WDR44: variants seen among roughly 807,000 people sequenced by gnomAD.
WDR44 encodes WD repeat-containing protein 44.
A neutral mutation model predicts 65.7 loss-of-function variants in WDR44; 9 were observed. The observed-to-expected ratio is 0.14, with a 90% confidence interval of 0.08 to 0.24. WDR44 has a LOEUF of 0.24. Among genes scored for constraint, WDR44 ranks in the 10% least tolerant of loss-of-function variants. The pLI, the probability that WDR44 is intolerant of heterozygous loss-of-function variation, is 1.00. For missense variants in WDR44, 425 were observed against 670.9 expected (o/e 0.63, Z 4.05); for synonymous variants, 220 against 235.2 (o/e 0.94, Z 0.59).
rs189546090 is a variant in WDR44, at chrX:118,414,472, G to A, written c.1737+3513G>A. Among the ~76,000 whole-genome samples, 448 of 110,722 alleles carry A rather than the reference G, an allele frequency of 4.0e-3. 1 individual carries two copies. Among genetic ancestry groups the A allele is most frequent in the South Asian group, 0.013 (34 of 2,604 alleles). On this transcript the variant is annotated intron_variant, in intron 12 of 19. Transcript: ENST00000254029. Reference sequence around the variant, plus strand: ...AAAATGTGGCAGATTGCTTTTTGAAGTATGGCCATTTTCACAATATTGATT... The same window carrying A: ...AAAATGTGGCAGATTGCTTTTTGAAATATGGCCATTTTCACAATATTGATT...
intron 1 of WDR44, among the ~76,000 whole-genome samples, chrX:118,369,557 C>T (rs1371930996): frequency 3.9e-5 from 4 of 102,689 alleles, no homozygotes; most frequent in African/African-American, 1.1e-4. Flanking sequence ...GCAAGCTCCG[C>T]CTCCCAGGTT....
chrX:118,407,376 C>T (rs902319052), intron 10 of WDR44, among the ~76,000 whole-genome samples: 3 of 110,435 alleles, frequency 2.7e-5, no homozygotes, highest in African/African-American at 9.9e-5. Flanking sequence ...TGGCGGGTGC[C>T]TGTAATCCCA....
chrX:118,402,053 C>T (rs769303877), intron 8 of WDR44, among the ~76,000 whole-genome samples: 1 of 108,777 alleles, frequency 9.2e-6, no homozygotes, highest in Admixed American at 1.0e-4. Flanking sequence ...ATATCATAGA[C>T]ATCTCTTTAT....
At chrX:118,424,180 G>A (rs891766935) in intron 12 of WDR44, among the ~76,000 whole-genome samples, 4 of 105,642 alleles carry the variant, frequency 3.8e-5, no homozygotes, top group Non-Finnish European at 1.9e-5. Context: ...TTTCATACTG[G>A]TTTTCATAGT....
chrX:118,426,997 G>T (rs1301804842), intron 12 of WDR44, among the ~76,000 whole-genome samples: 2 of 111,692 alleles, frequency 1.8e-5, no homozygotes, highest in South Asian at 7.4e-4. Flanking sequence ...TGTTTTCAAA[G>T]ACTATTTAAT....
rs1160850643 is a variant in WDR44 at position 118,407,663 on chromosome X, T to C, written c.1533+637T>C. Among the ~76,000 whole-genome samples, 4 of 112,461 alleles carry C rather than the reference T, an allele frequency of 3.6e-5. No homozygotes were observed. In the East Asian group the frequency reaches 1.1e-3, roughly 31 times the overall value. The stretch of plus-strand genomic sequence containing the variant: ...TGCTCCCAACCATATTTTAAATAAT[T>C]TACAAAATATATCAGAAGCTCAATA... On this transcript the variant is annotated intron_variant, in intron 10 of 19. Coordinates refer to ENST00000254029, the MANE Select transcript of WDR44 (RefSeq NM_019045.5).
intron 1 of WDR44, among the ~76,000 whole-genome samples, chrX:118,348,086 T>G (rs2056369434): frequency 8.9e-6 from 1 of 111,784 alleles, no homozygotes; most frequent in African/African-American, 3.3e-5. Context: ...CATCAGTTTA[T>G]GAGCTGATCA....
intron 3 of WDR44, among the ~76,000 whole-genome samples, chrX:118,387,625 C>T (rs776118547): frequency 8.9e-6 from 1 of 111,918 alleles, no homozygotes; most frequent in East Asian, 2.8e-4. Context: ...ATCCTTGAGA[C>T]AATATTTTGT....
At chrX:118,405,048 T>G (rs961556742) in intron 9 of WDR44, among the ~76,000 whole-genome samples, 1 of 110,871 alleles carries the variant, frequency 9.0e-6, no homozygotes, top group Admixed American at 9.6e-5. Context: ...TCTTTTTTCT[T>G]TTTTTTTGAG....
At chrX:118,409,319 G>A (rs1276464018) in intron 10 of WDR44, among the ~76,000 whole-genome samples, 170 bp from the exon 11 acceptor site, 1 of 109,936 alleles carries the variant, frequency 9.1e-6, no homozygotes, top group Non-Finnish European at 1.9e-5. Context: ...TAGCAGAGAT[G>A]GGGTTTTACC....
rs1388202580 is a variant in WDR44, at chrX:118,369,414, G to A, written c.78-9005G>A. On this transcript the variant is annotated intron_variant, in intron 1 of 19. Transcript: ENST00000254029. ...TCTCGATCTCCTGACCTCGTGATCC[G>A]CCCGCCTCGGCCTCCCAAAGTGCTG... is the stretch of plus-strand genomic sequence containing the variant. Among the ~76,000 whole-genome samples, 10 of 104,598 alleles carry A rather than the reference G, an allele frequency of 9.6e-5. No homozygotes were observed. The East Asian group carries it at 1.2e-3, about 13-fold the overall frequency. 90.8% of individuals were successfully genotyped at this position (104,598 alleles called of 115,157 possible). A position where few individuals can be genotyped will look rare whatever the true frequency, so the allele number is the denominator to read the frequency against.
Position 118,392,772 on chromosome X carries a change from A to G in WDR44, c.327A>G (p.Gly109=). The change falls in exon 4 of 20, where the codon GGA becomes GGG. Residue 109 remains glycine, a synonymous_variant. Coordinates refer to ENST00000254029, the MANE Select transcript of WDR44 (RefSeq NM_019045.5). ...VARTDLSNIP[G]LLAIDQVLPE... ...GAACAGATCTGAGCAATATACCCGG[A>G]CTGTTAGCCATAGATCAAGTACTAC... is the stretch of plus-strand genomic sequence containing the variant. 8.3e-7 allele frequency: 1 copy of G among 1,211,846 alleles called. No individual in the cohort carries two copies. Among genetic ancestry groups the G allele is most frequent in the Non-Finnish European group, 1.1e-6 (1 of 895,564 alleles).
intron 1 of WDR44, 24 bp from the exon 2 acceptor site, chrX:118,378,395 C>T: frequency 8.4e-7 from 1 of 1,197,514 alleles, no homozygotes; most frequent in Non-Finnish European, 1.1e-6. Flanking sequence ...TATTCAACAC[C>T]TCCTTACTTT....
chrX:118,424,321 G>GTATATATATATATATATATA (rs1430796503), intron 12 of WDR44, among the ~76,000 whole-genome samples: 3 of 63,468 alleles, frequency 4.7e-5, no homozygotes, highest in African/African-American at 4.5e-4. Flanking sequence ...ATGTGTGTGT[G>GTATATATATATATATATATA]TGTATATATA....
intron 1 of WDR44, among the ~76,000 whole-genome samples, chrX:118,354,752 A>G (rs1052077522): frequency 1.9e-4 from 21 of 112,036 alleles, no homozygotes; most frequent in Non-Finnish European, 3.6e-4. Flanking sequence ...CAAGCTATCT[A>G]TATCTGTATA....
intron 3 of WDR44, among the ~76,000 whole-genome samples, chrX:118,388,559 G>A (rs2056791202): frequency 8.9e-6 from 1 of 111,812 alleles, no homozygotes; most frequent in Non-Finnish European, 1.9e-5. Context: ...GGGATTATAG[G>A]TGTGCAACAC....
intron 12 of WDR44, among the ~76,000 whole-genome samples, chrX:118,419,415 A>G (rs769397359): frequency 8.9e-6 from 1 of 112,003 alleles, no homozygotes; most frequent in East Asian, 2.8e-4. Context: ...GCTCCAGGTA[A>G]GGTCAGAAAC....
intron 1 of WDR44, among the ~76,000 whole-genome samples, chrX:118,357,225 G>A (rs2683002): frequency 0.43 from 47,050 of 110,536 alleles, 10,300 homozygotes; most frequent in African/African-American, 0.84. Flanking sequence ...CTTAATGGCA[G>A]ATTTTACTGA....
intron 12 of WDR44, among the ~76,000 whole-genome samples, chrX:118,428,189 G>C (rs1478980965): frequency 9.1e-6 from 1 of 109,851 alleles, no homozygotes; most frequent in Non-Finnish European, 1.9e-5. Context: ...TTGGGAGGCT[G>C]AGGCATGAGA....
Sources: gnomAD v4.1 joint callset for allele counts (sites outside exome capture counted in the v4.1 genomes callset) on GRCh38, gnomAD v4.1.1 for gene constraint, MANE v1.5 for transcripts, NCBI Gene and HGNC (gene_info 2026-07-23, HGNC 2026-07-21) for gene names.